CDKL1: variants seen among roughly 807,000 people sequenced by gnomAD.
The protein encoded by CDKL1 is cyclin-dependent kinase-like 1.
Under a neutral mutation model 42.0 loss-of-function variants are expected in CDKL1, and 41 were observed. The observed-to-expected ratio is 0.98, with a 90% CI of 0.76 to 1.27. The LOEUF is 1.27. Among genes scored for constraint, CDKL1 ranks in the 50% most tolerant of loss-of-function variants. The pLI is 0.00. For missense variants in CDKL1, 394 were observed against 428.4 expected, an observed-to-expected ratio of 0.92 and a Z score of 0.71; for synonymous variants, 153 against 158.6, an observed-to-expected ratio of 0.96 and a Z score of 0.26.
intron 7 of CDKL1, among the ~76,000 whole-genome samples, chr14:50,337,668 C>CT (rs1461728956): frequency 2.1e-5 from 3 of 142,682 alleles, no homozygotes; most frequent in Non-Finnish European, 3.0e-5. Flanking sequence ...TATGGTATTT[C>CT]TTTTTTTTCT....
intron 9 of CDKL1, chr14:50,332,031 C>T (rs749984812): frequency 5.8e-6 from 9 of 1,538,660 alleles, no homozygotes; most frequent in Non-Finnish European, 7.0e-6. Flanking sequence ...GGCTGGAAAC[C>T]CTGGCCCCTG....
At chr14:50,335,781 T>G in intron 7 of CDKL1, 2 of 985,412 alleles carry the variant, frequency 2.0e-6, no homozygotes, top group Non-Finnish European at 2.4e-6. Context: ...GTCCTGGTGC[T>G]GTGGCCAGCT....
chr14:50,374,204 C>T (rs1042169638), intron 2 of CDKL1, among the ~76,000 whole-genome samples: 1 of 152,164 alleles, frequency 6.6e-6, no homozygotes, highest in African/African-American at 2.4e-5. Context: ...AATTCTATGA[C>T]ATTCTGGAAA....
intron 5 of CDKL1, 101 bp downstream of exon 5, chr14:50,342,031 T>C (rs1209583081): frequency 1.1e-6 from 1 of 892,098 alleles, no homozygotes; most frequent in Non-Finnish European, 1.8e-6. Context: ...GCCCTAAATA[T>C]ACAAGTACTA....
At chr14:50,397,128 G>A (rs1013563091), upstream of CDKL1, 1 of 1,365,258 alleles carries the variant, frequency 7.3e-7, no homozygotes. Context: ...CGTGCAAAGC[G>A]CAGCTGTAAC....
In CDKL1 at chr14:50,332,294, G is replaced by A. The variant is rs202034681; in HGVS notation, c.934C>T (p.Arg312Ter). 375 of 1,613,922 alleles carry A rather than the reference G, an allele frequency of 2.3e-4. 2 individuals are homozygous for A. The highest frequency in any genetic ancestry group is 6.7e-5 in the East Asian group (3 of 44,896). The change falls in exon 9 of 10, where the codon CGA (arginine) becomes TGA (stop). Residue 312 changes from arginine to a stop codon, truncating the protein, a stop_gained. Transcript: ENST00000395834. LOFTEE classifies it high-confidence loss of function. The part of the protein sequence containing the change: ...KPTRKTLRKS[R>*]KHHCFTETSK... The stretch of plus-strand genomic sequence containing the variant: ...GTTTCTGTAAAGCAGTGGTGCTTTC[G>A]GCTCTTTCTTAGGGTCTTCCTTGTT...
At chr14:50,394,688 T>C (rs1851581073) in intron 2 of CDKL1, among the ~76,000 whole-genome samples, 1 of 152,250 alleles carries the variant, frequency 6.6e-6, no homozygotes, top group African/African-American at 2.4e-5. Context: ...CCATATTCAT[T>C]ACATGTCACC....
rs188685707 is a variant in CDKL1, at chr14:50,381,079, G to A, written c.168+14622C>T. On this transcript the variant is annotated intron_variant, in intron 2 of 9. Transcript: ENST00000395834. ...TGGAGGCAGCATGTACAGCCCTTGG[G>A]CACTGCTCTGCCTAATTTACCAAGT... 4.9e-4 allele frequency among the ~76,000 whole-genome samples: 74 copies of A among 152,298 alleles called. No homozygotes were observed. The East Asian group carries it at 0.013, about 26-fold the overall frequency.
intron 2 of CDKL1, among the ~76,000 whole-genome samples, chr14:50,360,331 TG>T (rs2034198765): frequency 1.3e-5 from 2 of 152,126 alleles, no homozygotes; most frequent in South Asian, 4.1e-4. Flanking sequence ...CTTGCAAAAC[TG>T]AAAGTCTATG....
At chr14:50,354,802 T>A (rs2034008676) in intron 3 of CDKL1, among the ~76,000 whole-genome samples, 1 of 152,180 alleles carries the variant, frequency 6.6e-6, no homozygotes, top group South Asian at 2.1e-4. Context: ...AGCATGTTAA[T>A]AAGAAGATGA....
chr14:50,351,443 G>A (rs1419832519), intron 3 of CDKL1, among the ~76,000 whole-genome samples: 4 of 152,076 alleles, frequency 2.6e-5, no homozygotes. Flanking sequence ...ATTAAAATGA[G>A]TTGGGGTGGG....
intron 2 of CDKL1, among the ~76,000 whole-genome samples, chr14:50,373,577 A>T (rs72683966): frequency 0.047 from 7,110 of 152,298 alleles, 194 homozygotes; most frequent in Middle Eastern, 0.1. Flanking sequence ...ATTACATTAA[A>T]ACCAAACGGA....
At position 50,330,190 on chromosome 14, in the gene CDKL1, GCAAAACA is replaced by G. The variant is rs779379479; in HGVS notation, c.967-16_967-10del. 2 of 1,598,418 alleles carry G rather than the reference GCAAAACA, an allele frequency of 1.3e-6. No individual in the cohort carries two copies. Among genetic ancestry groups the G allele is most frequent in the Non-Finnish European group, 1.7e-6 (2 of 1,176,872 alleles). ...TGGGGTAGGTACTGCAACTAAAAAT[GCAAAACA>G]CAGAATTAGGTTCAAAACTGTGCCA... On this transcript the variant is annotated splice_polypyrimidine_tract_variant and intron_variant, in intron 9 of 9. Coordinates refer to ENST00000395834, the MANE Select transcript of CDKL1 (RefSeq NM_004196.7).
At chr14:50,390,265 C>T (rs1025355436) in intron 2 of CDKL1, 44 of 1,366,268 alleles carry the variant, frequency 3.2e-5, no homozygotes, top group Non-Finnish European at 3.9e-5. Context: ...TATTTTAACG[C>T]CCCCATACCA....
At chr14:50,386,201 G>A (rs2035076253) in intron 2 of CDKL1, among the ~76,000 whole-genome samples, 1 of 152,098 alleles carries the variant, frequency 6.6e-6, no homozygotes, top group African/African-American at 2.4e-5. Flanking sequence ...GCAGGCTGAG[G>A]TGGGAGGATT....
chr14:50,332,890 C>A, intron 8 of CDKL1: 13 of 369,460 alleles, frequency 3.5e-5, no homozygotes, highest in East Asian at 4.2e-5. Flanking sequence ...CTTCACCCTT[C>A]TAAAATCAGC....
chr14:50,334,518 G>GACA, intron 8 of CDKL1, 47 bp downstream of exon 8: 1 of 1,043,528 alleles, frequency 9.6e-7, no homozygotes, highest in Non-Finnish European at 1.5e-6. Context: ...CCCCAGTGAT[G>GACA]ACAACTGCTG....
At chr14:50,334,452 A>G in intron 8 of CDKL1, 113 bp downstream of exon 8, 6 of 738,264 alleles carry the variant, frequency 8.1e-6, no homozygotes. Context: ...CAGCCAGGAG[A>G]AGAATTCTAA....
At chr14:50,338,859 A>G in intron 7 of CDKL1, 88 bp downstream of exon 7, 1 of 849,166 alleles carries the variant, frequency 1.2e-6, no homozygotes, top group Non-Finnish European at 2.1e-6. Flanking sequence ...CCTCCAATGC[A>G]GGGTGAGCCA....
Sources: allele counts gnomAD v4.1 joint callset (sites outside exome capture counted in the v4.1 genomes callset), GRCh38; gene constraint gnomAD v4.1.1; transcripts MANE v1.5; gene names NCBI Gene and HGNC (gene_info 2026-07-23, HGNC 2026-07-21).